GIMAP4: variants seen among roughly 807,000 people sequenced by gnomAD.
The protein encoded by GIMAP4 is GTPase IMAP family member 4.
In GIMAP4, 12 loss-of-function variants were observed where a neutral mutation model predicts 10.8. That is an observed-to-expected ratio of 1.11 (90% CI 0.71 to 1.81). The LOEUF is 1.81. Ranked by LOEUF, GIMAP4 falls within the 40% of genes most tolerant of loss-of-function variation. The pLI, the probability that GIMAP4 is intolerant of heterozygous loss-of-function variation, is 0.00. For synonymous variants in GIMAP4, 149 were observed against 147.2 expected, an observed-to-expected ratio of 1.01 and a Z score of -0.09; for missense variants, 412 against 404.6, an observed-to-expected ratio of 1.02 and a Z score of -0.16.
chr7:150,572,271 G>A lies in GIMAP4; in HGVS notation c.201G>A (p.Lys67=), dbSNP rs1795739383. The change falls in exon 3 of 3, where the codon AAG becomes AAA. Residue 67 remains lysine, a synonymous_variant. Transcript: ENST00000255945. ...GCACTGCAGCAAAATCCATTACCAA[G>A]AAGTGTGAGAAACGCAGCAGCTCAT... ...HSGTAAKSIT[K]KCEKRSSSWK... is the part of the protein sequence containing the mutation. The A allele has an allele frequency of 6.2e-7, 1 of 1,614,198 alleles. No individual in the cohort carries two copies. The highest frequency in any genetic ancestry group is 8.5e-7 in the Non-Finnish European group (1 of 1,180,022).
Position 150,572,205 on chromosome 7 carries a change from A to T in GIMAP4, c.135A>T (p.Ala45=). Residue 45 remains alanine (A), a synonymous_variant, in exon 3 of 3, where the codon GCA becomes GCT. Coordinates refer to ENST00000255945, the MANE Select transcript of GIMAP4 (RefSeq NM_018326.3). ...LVGKTGAGKS[A]TGNSILGRKV... Reference sequence around the variant, plus strand: ...GTAAAACCGGAGCAGGAAAAAGTGCAACAGGAAACAGCATCCTTGGCCGGA... The same window carrying T: ...GTAAAACCGGAGCAGGAAAAAGTGCTACAGGAAACAGCATCCTTGGCCGGA... 6.2e-7 allele frequency: 1 copy of T among 1,614,124 alleles called. No individual in the cohort carries two copies. The highest frequency in any genetic ancestry group is 8.5e-7 in the Non-Finnish European group (1 of 1,179,958).
intron 2 of GIMAP4, 103 bp downstream of exon 2, chr7:150,570,062 A>G: frequency 1.3e-6 from 1 of 756,188 alleles, no homozygotes; most frequent in South Asian, 1.5e-5. Flanking sequence ...CTGCCTTGCC[A>G]CCCAGTCCCC....
At chr7:150,572,047 C>T in intron 2 of GIMAP4, 82 bp from the exon 3 acceptor site, 1 of 836,006 alleles carries the variant, frequency 1.2e-6, no homozygotes, top group Non-Finnish European at 1.9e-6. Flanking sequence ...CGGAGGAGGG[C>T]ACTGGGGGTG....
rs753014940 is a variant in GIMAP4, at chr7:150,572,188, G to A, written c.118G>A (p.Gly40Arg). 11 of 1,613,884 alleles carry A rather than the reference G, an allele frequency of 6.8e-6. No homozygotes were observed. Among genetic ancestry groups the A allele is most frequent in the African/African-American group, 5.3e-5 (4 of 74,906 alleles). The change falls in exon 3 of 3, where the codon GGA (glycine) becomes AGA (arginine). Residue 40 changes from glycine to arginine, a missense_variant. Transcript: ENST00000255945. ...GAGAATTGTGTTAGTGGGTAAAACC[G>A]GAGCAGGAAAAAGTGCAACAGGAAA... ...QLRIVLVGKT[G>R]AGKSATGNSI...
rs1317314636 is a variant in GIMAP4 at position 150,573,522 on chromosome 7, A to T, written c.*462A>T. ...TTGTTTGCAGTAGGTAATCTTAGAG[A>T]TGGAGATGATTGTAGAATTATTCCT... On this transcript the variant is annotated 3_prime_UTR_variant, in exon 3 of 3. Coordinates refer to ENST00000255945, the MANE Select transcript of GIMAP4 (RefSeq NM_018326.3). 3.2e-5 allele frequency: 5 copies of T among 154,522 alleles called. No individual in the cohort carries two copies. The highest frequency in any genetic ancestry group is 1.2e-4 in the African/African-American group (5 of 41,452). The allele number at this position is 154,522 out of a possible 1,614,324, so 9.6% of individuals were successfully genotyped here.
intron 2 of GIMAP4, among the ~76,000 whole-genome samples, chr7:150,571,614 C>T (rs1795729488): frequency 6.6e-6 from 1 of 152,044 alleles, no homozygotes; most frequent in South Asian, 2.1e-4. Flanking sequence ...AACCCCGTCT[C>T]TACTAAAAAT....
rs1585157548 is a variant in GIMAP4 at position 150,572,115 on chromosome 7, TC to T, written c.59-13del. ...TTCTAACAGCATGGCTTTTTTTTTT[TC>T]TTGATGTCCCAGGGCCTGGAAGGCA... On this transcript the variant is annotated splice_polypyrimidine_tract_variant and intron_variant, in intron 2 of 2. Coordinates refer to ENST00000255945, the MANE Select transcript of GIMAP4 (RefSeq NM_018326.3). 12 of 1,545,048 alleles carry T rather than the reference TC, an allele frequency of 7.8e-6. No homozygotes were observed. In the Admixed American group the frequency reaches 1.1e-4, roughly 14 times the overall value.
chr7:150,572,825 A>C lies in GIMAP4; in HGVS notation c.755A>C (p.Lys252Thr), dbSNP rs1041833662. Residue 252 changes from lysine to threonine, a missense_variant, in exon 3 of 3, where the codon AAA becomes ACA. Physicochemically the swap from Lys to Thr is moderately conservative, Grantham distance 78 (BLOSUM62 -1). Coordinates refer to ENST00000255945, the MANE Select transcript of GIMAP4 (RefSeq NM_018326.3). Reference protein sequence around the residue: ...ELHRVELEREKARIREEYEEK... With the variant: ...ELHRVELERETARIREEYEEK... ...CACAGAGTGGAGCTGGAGAGAGAGA[A>C]AGCGCGGATAAGAGAGGAGTATGAA... The C allele has an allele frequency of 1.9e-6, 3 of 1,612,464 alleles. No homozygotes were observed. The highest frequency in any genetic ancestry group is 2.5e-6 in the Non-Finnish European group (3 of 1,178,752).
intron 2 of GIMAP4, 116 bp downstream of exon 2, chr7:150,570,075 T>C (rs1795712011): frequency 1.4e-6 from 1 of 712,330 alleles, no homozygotes; most frequent in Non-Finnish European, 2.5e-6. Flanking sequence ...CAGTCCCCAT[T>C]TGAGCAGGAG....
Position 150,567,443 on chromosome 7 carries a change from G to C in GIMAP4, c.-15+6G>C, listed in dbSNP as rs191785157. The C allele has an allele frequency of 2.0e-5, 3 of 152,290 alleles. No homozygotes were observed. The highest frequency in any genetic ancestry group is 2.9e-5 in the Non-Finnish European group (2 of 68,042). 9.4% of individuals were successfully genotyped at this position (152,290 alleles called of 1,614,324 possible). On this transcript the variant is annotated splice_donor_region_variant and intron_variant, in intron 1 of 2. Transcript: ENST00000255945. ...GCAAGATCCTGATTTTTCAGGTAAG[G>C]GAATAGGGGTGTGTGTGGTGGGGGT...
intron 1 of GIMAP4, among the ~76,000 whole-genome samples, chr7:150,568,373 T>G (rs1795689219): frequency 6.6e-6 from 1 of 152,208 alleles, no homozygotes; most frequent in Non-Finnish European, 1.5e-5. Context: ...TATCTGGCTT[T>G]TCACAGTGTT....
chr7:150,572,325 C>G lies in GIMAP4; in HGVS notation c.255C>G (p.Asp85Glu). Reference protein sequence around the residue: ...SWKETELVVVDTPGIFDTEVP... With the variant: ...SWKETELVVVETPGIFDTEVP... ...AGGAAACAGAACTTGTCGTAGTTGACACACCAGGCATTTTCGACACAGAGG... is the reference window on the plus strand; with the variant it reads ...AGGAAACAGAACTTGTCGTAGTTGAGACACCAGGCATTTTCGACACAGAGG... The change falls in exon 3 of 3, where the codon GAC becomes GAG. Residue 85 changes from aspartate to glutamate, a missense_variant. Coordinates refer to ENST00000255945, the MANE Select transcript of GIMAP4 (RefSeq NM_018326.3). The G allele has an allele frequency of 6.2e-7, 1 of 1,614,056 alleles. No individual in the cohort carries two copies. Among genetic ancestry groups the G allele is most frequent in the Non-Finnish European group, 8.5e-7 (1 of 1,179,954 alleles).
rs137918893 is a variant in GIMAP4, at chr7:150,572,904, A to G, written c.834A>G (p.Gln278=). ...TGGAGCAGGAAAAGAGAAAGAAGCA[A>G]ATGGAGAAGAAACTAGCAGAACAGG... The part of the protein sequence containing the change: ...DKVEQEKRKK[Q]MEKKLAEQEA... The change falls in exon 3 of 3, where the codon CAA becomes CAG. Residue 278 remains glutamine, a synonymous_variant. Coordinates refer to ENST00000255945, the MANE Select transcript of GIMAP4 (RefSeq NM_018326.3). The G allele has an allele frequency of 2.2e-5, 35 of 1,614,114 alleles. No homozygotes were observed. In the African/African-American group the frequency reaches 4.4e-4, roughly 20 times the overall value.
intron 2 of GIMAP4, among the ~76,000 whole-genome samples, chr7:150,570,450 C>T (rs1453292162): frequency 1.3e-5 from 2 of 152,204 alleles, no homozygotes; most frequent in African/African-American, 4.8e-5. Context: ...CAGTGTATCA[C>T]ATGACCCTCC....
intron 1 of GIMAP4, among the ~76,000 whole-genome samples, chr7:150,568,912 G>A (rs925445699): frequency 4.6e-5 from 7 of 152,204 alleles, no homozygotes; most frequent in African/African-American, 1.4e-4. Context: ...CTGGAGAGCC[G>A]AGGCCTGCGG....
rs1384077080 is a variant in GIMAP4 at position 150,572,122 on chromosome 7, G to A, written c.59-7G>A. 3 of 1,548,648 alleles carry A rather than the reference G, an allele frequency of 1.9e-6. No individual in the cohort carries two copies. ...AGCATGGCTTTTTTTTTTTCTTGATGTCCCAGGGCCTGGAAGGCAAGAGCC... is the reference window on the plus strand; with the variant it reads ...AGCATGGCTTTTTTTTTTTCTTGATATCCCAGGGCCTGGAAGGCAAGAGCC... On this transcript the variant is annotated splice_region_variant and splice_polypyrimidine_tract_variant and intron_variant, in intron 2 of 2. Coordinates refer to ENST00000255945, the MANE Select transcript of GIMAP4 (RefSeq NM_018326.3).
At chr7:150,570,064 C>T (rs1003680938) in intron 2 of GIMAP4, 105 bp downstream of exon 2, 2 of 753,524 alleles carry the variant, frequency 2.7e-6, no homozygotes, top group Non-Finnish European at 4.7e-6. Flanking sequence ...GCCTTGCCAC[C>T]CAGTCCCCAT....
Position 150,573,312 on chromosome 7 carries a change from G to T in GIMAP4, c.*252G>T. 1 of 360,838 alleles carries T rather than the reference G, an allele frequency of 2.8e-6. No homozygotes were observed. The highest frequency in any genetic ancestry group is 5.0e-6 in the Non-Finnish European group (1 of 199,244). The allele number at this position is 360,838 out of a possible 1,614,324, so 22.4% of individuals were successfully genotyped here. A position where few individuals can be genotyped will look rare whatever the true frequency, so the allele number is the denominator to read the frequency against. On this transcript the variant is annotated 3_prime_UTR_variant, in exon 3 of 3. Transcript: ENST00000255945. ...TCTTCCTTAGACATGCAGAGAAAAT[G>T]TATGCAAGAGACCAAAAAGATGGCT...
intron 1 of GIMAP4, among the ~76,000 whole-genome samples, chr7:150,569,628 G>A (rs911044061): frequency 6.6e-6 from 1 of 152,126 alleles, no homozygotes; most frequent in African/African-American, 2.4e-5. Context: ...TCCAAGCCAC[G>A]AATCTCTAGA....
Sources: allele counts gnomAD v4.1 joint callset (sites outside exome capture counted in the v4.1 genomes callset), GRCh38; gene constraint gnomAD v4.1.1; transcripts MANE v1.5; gene names NCBI Gene and HGNC (gene_info 2026-07-23, HGNC 2026-07-21).